NKAIN2: variants seen among roughly 807,000 people sequenced by gnomAD.
NKAIN2 encodes the protein sodium/potassium-transporting ATPase subunit beta-1-interacting protein 2.
NKAIN2 carries 14 observed loss-of-function variants against 32.6 expected under a neutral mutation model. The ratio of observed to expected loss-of-function variants is 0.43; its 90% CI spans 0.28 to 0.67. The LOEUF is 0.67. NKAIN2 is among the 30% of genes least tolerant of loss of function. NKAIN2 has a pLI of 0.17. For synonymous variants in NKAIN2, 80 were observed against 87.2 expected (o/e 0.92, Z 0.46); for missense variants, 198 against 258.3 (o/e 0.77, Z 1.60).
chr6:124,026,783 C>T (rs1161669532), intron 1 of NKAIN2, among the ~76,000 whole-genome samples: 1 of 152,124 alleles, frequency 6.6e-6, no homozygotes, highest in Non-Finnish European at 1.5e-5. Context: ...GAAACCTGAC[C>T]CCATGTTGCA....
intron 1 of NKAIN2, among the ~76,000 whole-genome samples, chr6:124,269,451 TTC>T (rs1050709454): frequency 3.3e-5 from 5 of 149,882 alleles, no homozygotes; most frequent in African/African-American, 1.2e-4. Context: ...CTTTCTTTCT[TTC>T]TTTTTTTTTT....
chr6:124,708,713 G>C lies in NKAIN2; in HGVS notation c.474+50327G>C, dbSNP rs900051291. 2.6e-5 allele frequency among the ~76,000 whole-genome samples: 4 copies of C among 152,090 alleles called. No homozygotes were observed. The South Asian group carries it at 6.2e-4, about 24-fold the overall frequency. On this transcript the variant is annotated intron_variant, in intron 4 of 6. Transcript: ENST00000368417. Reference sequence around the variant, plus strand: ...TGTATCCTGAGACTTTGCTGAAGTTGCTTATCAGCTTAAGAAGAGTTTGGG... The same window carrying C: ...TGTATCCTGAGACTTTGCTGAAGTTCCTTATCAGCTTAAGAAGAGTTTGGG...
intron 4 of NKAIN2, among the ~76,000 whole-genome samples, chr6:124,665,060 T>G (rs1583608390): frequency 6.6e-6 from 1 of 152,116 alleles, no homozygotes; most frequent in Non-Finnish European, 1.5e-5. Flanking sequence ...ACAGACCTTT[T>G]GCAGCCAATT....
chr6:124,126,054 G>A (rs369186212), intron 1 of NKAIN2, among the ~76,000 whole-genome samples: 67 of 151,752 alleles, frequency 4.4e-4, no homozygotes, highest in African/African-American at 1.6e-3. Flanking sequence ...CTGGCTTCTC[G>A]GGTGGGTCTC....
At chr6:124,476,329 T>C (rs1369461163) in intron 3 of NKAIN2, among the ~76,000 whole-genome samples, 2 of 151,190 alleles carry the variant, frequency 1.3e-5, no homozygotes, top group Admixed American at 1.3e-4. Flanking sequence ...GAAGCGTCAT[T>C]ACCTCTTAAG....
At chr6:123,986,851 A>G (rs73557057) in intron 1 of NKAIN2, among the ~76,000 whole-genome samples, 499 of 152,304 alleles carry the variant, frequency 3.3e-3, no homozygotes, top group African/African-American at 0.011. Context: ...AGAACTCAGA[A>G]TGAGAGATCT....
At chr6:123,869,538 G>T (rs928164971) in intron 1 of NKAIN2, among the ~76,000 whole-genome samples, 3 of 152,136 alleles carry the variant, frequency 2.0e-5, no homozygotes, top group Non-Finnish European at 4.4e-5. Context: ...ACCATGATTC[G>T]CCTGTCATTA....
intron 3 of NKAIN2, among the ~76,000 whole-genome samples, chr6:124,487,048 C>G (rs1172322473): frequency 2.0e-5 from 3 of 152,102 alleles, no homozygotes; most frequent in African/African-American, 7.2e-5. Context: ...TCACCCTAAC[C>G]TGGGAAGTTA....
intron 4 of NKAIN2, among the ~76,000 whole-genome samples, chr6:124,709,975 T>C (rs1269754843): frequency 6.6e-6 from 1 of 152,192 alleles, no homozygotes; most frequent in Non-Finnish European, 1.5e-5. Context: ...TTTAGTGCTA[T>C]AAATTTCCCT....
At chr6:123,828,061 T>A (rs1408038912) in intron 1 of NKAIN2, among the ~76,000 whole-genome samples, 1 of 152,294 alleles carries the variant, frequency 6.6e-6, no homozygotes, top group East Asian at 1.9e-4. Flanking sequence ...CCTTCTGTCA[T>A]GCACTGCCTG....
At chr6:124,240,671 A>C (rs1793036520) in intron 1 of NKAIN2, among the ~76,000 whole-genome samples, 1 of 152,158 alleles carries the variant, frequency 6.6e-6, no homozygotes, top group Non-Finnish European at 1.5e-5. Context: ...TAGATGCAGA[A>C]AAGGCCTTCA....
chr6:123,959,777 CCTCT>C (rs1176988977), intron 1 of NKAIN2, among the ~76,000 whole-genome samples: 2 of 150,412 alleles, frequency 1.3e-5, no homozygotes, highest in Admixed American at 6.6e-5. Context: ...ATGATCTTTT[CCTCT>C]CTCTCTCTCA....
intron 3 of NKAIN2, among the ~76,000 whole-genome samples, chr6:124,538,736 A>G (rs1359590809): frequency 6.6e-6 from 1 of 152,102 alleles, no homozygotes; most frequent in Non-Finnish European, 1.5e-5. Flanking sequence ...TAAAGATTAA[A>G]TCGTTGGGTG....
At chr6:124,244,835 G>T (rs1312618079) in intron 1 of NKAIN2, among the ~76,000 whole-genome samples, 1 of 152,072 alleles carries the variant, frequency 6.6e-6, no homozygotes, top group East Asian at 1.9e-4. Context: ...AAATTTTGGA[G>T]GGTAGAGAAG....
chr6:124,308,390 A>G (rs1211470813), intron 2 of NKAIN2, among the ~76,000 whole-genome samples: 1 of 152,166 alleles, frequency 6.6e-6, no homozygotes, highest in Non-Finnish European at 1.5e-5. Context: ...TAATTTTTAT[A>G]TGCCTGAAGA....
intron 1 of NKAIN2, among the ~76,000 whole-genome samples, chr6:123,884,429 G>A (rs1773618741): frequency 6.6e-6 from 1 of 152,118 alleles, no homozygotes; most frequent in African/African-American, 2.4e-5. Context: ...GAATAAAGTA[G>A]TAATTGGAAA....
chr6:124,415,417 A>T lies in NKAIN2; in HGVS notation c.273+60070A>T, dbSNP rs1316780582. Among the ~76,000 whole-genome samples the T allele has an allele frequency of 2.6e-5, 4 of 152,190 alleles. No homozygotes were observed. In the East Asian group the frequency reaches 7.7e-4, roughly 29 times the overall value. ...AGATGGATAAGGCGAGGCATGGGGG[A>T]TGGAGTGTGGAGCTTCCAAGCCATC... is the stretch of plus-strand genomic sequence containing the variant. On this transcript the variant is annotated intron_variant, in intron 3 of 6. Coordinates refer to ENST00000368417, the MANE Select transcript of NKAIN2 (RefSeq NM_001040214.3).
At chr6:124,381,582 A>G (rs1170334194) in intron 3 of NKAIN2, among the ~76,000 whole-genome samples, 1 of 152,166 alleles carries the variant, frequency 6.6e-6, no homozygotes, top group East Asian at 1.9e-4. Context: ...ATAGCTTTCC[A>G]GCACCTAAAA....
At chr6:124,761,992 T>C (rs932862505) in intron 4 of NKAIN2, among the ~76,000 whole-genome samples, 2 of 152,178 alleles carry the variant, frequency 1.3e-5, no homozygotes, top group Non-Finnish European at 2.9e-5. Context: ...ACTCCCTGGT[T>C]CTCTCACACC....
Sources: allele counts gnomAD v4.1 joint callset (sites outside exome capture counted in the v4.1 genomes callset), GRCh38; gene constraint gnomAD v4.1.1; transcripts MANE v1.5; gene names NCBI Gene and HGNC (gene_info 2026-07-23, HGNC 2026-07-21).